Variants in ACSM3 observed in about 807,000 individuals in gnomAD.
The protein encoded by ACSM3 is acyl-coenzyme A synthetase ACSM3, mitochondrial.
A neutral mutation model predicts 74.1 loss-of-function variants in ACSM3; 61 were observed. The observed-to-expected ratio is 0.82, with a 90% confidence interval of 0.67 to 1.02. ACSM3 has a LOEUF of 1.02. Ranked by LOEUF, ACSM3 falls within the 50% of genes least tolerant of loss-of-function variation. ACSM3 has a pLI of 0.00. For synonymous variants in ACSM3, 213 were observed against 241.5 expected (o/e 0.88, Z 1.09); for missense variants, 660 against 697.0 (o/e 0.95, Z 0.60).
At chr16:20,729,433 A>G in intron 1 of ACSM3, 5 of 835,744 alleles carry the variant, frequency 6.0e-6, no homozygotes, top group Non-Finnish European at 1.0e-5. Flanking sequence ...GTGGTGGTCA[A>G]AGGCTTCTTT....
chr16:20,714,181 G>A (rs943214597), intron 1 of ACSM3, among the ~76,000 whole-genome samples: 1 of 150,796 alleles, frequency 6.6e-6, no homozygotes, highest in African/African-American at 2.4e-5. Flanking sequence ...TCCAGTTTCA[G>A]GAACAGCAAG....
Position 20,784,793 on chromosome 16 carries a change from C to T in ACSM3, c.1020-191C>T, listed in dbSNP as rs139734587. ...TTAGAATGATTTATCTTTTTAATAT[C>T]TTTATTTTTAATTTGTGTAGGTACT... On this transcript the variant is annotated intron_variant, in intron 7 of 13. Transcript: ENST00000289416. 1.3e-3 allele frequency among the ~76,000 whole-genome samples: 204 copies of T among 151,934 alleles called. 1 individual carries two copies. Among genetic ancestry groups the T allele is most frequent in the African/African-American group, 4.7e-3 (196 of 41,444 alleles).
chr16:20,786,096 T>G lies in ACSM3; in HGVS notation c.1162T>G (p.Phe388Val), dbSNP rs767483367. The change falls in exon 9 of 14, where the codon TTT becomes GTT. Residue 388 changes from phenylalanine (F) to valine (V), a missense_variant. Physicochemically the swap from Phe to Val is conservative, Grantham distance 50 (BLOSUM62 -1). Transcript: ENST00000289416. ...QTETVLICGN[F>V]KGMKIKPGSM... ...TAACTAGGTGCTAATCTGTGGAAAT[T>G]TTAAGGGAATGAAAATTAAACCTGG... 13 of 1,597,308 alleles carry G rather than the reference T, an allele frequency of 8.1e-6. No homozygotes were observed. The Admixed American group carries it at 2.3e-4, about 28-fold the overall frequency.
chr16:20,677,301 T>C (rs114826268), intron 1 of ACSM3, among the ~76,000 whole-genome samples: 3 of 151,938 alleles, frequency 2.0e-5, no homozygotes, highest in African/African-American at 7.2e-5. Context: ...CTTATCTTCT[T>C]GTATGCCCAT....
At chr16:20,795,593 T>C (rs1175438579) in intron 12 of ACSM3, among the ~76,000 whole-genome samples, 1 of 152,232 alleles carries the variant, frequency 6.6e-6, no homozygotes, top group Admixed American at 6.5e-5. Context: ...AAGTGCAGGA[T>C]ACTTAATCAT....
Position 20,790,533 on chromosome 16 carries a change from A to G in ACSM3, c.1225-54A>G, listed in dbSNP as rs1276460537. The G allele has an allele frequency of 6.7e-7, 1 of 1,502,766 alleles. No homozygotes were observed. Among genetic ancestry groups the G allele is most frequent in the African/African-American group, 1.4e-5 (1 of 71,824 alleles). 93.1% of individuals were successfully genotyped at this position (1,502,766 alleles called of 1,614,324 possible). ...ATAAAACTTGCAAAGTTAATATTTA[A>G]GCTGCGACATTAAACAAAAATTTCC... On this transcript the variant is annotated intron_variant, in intron 9 of 13. Transcript: ENST00000289416. This position sits in a 1 kb window ranked among gnomAD's most constrained non-coding sequence, Gnocchi z 4.0.
intron 1 of ACSM3, chr16:20,739,030 C>T (rs2079895062): frequency 6.2e-7 from 1 of 1,614,204 alleles, no homozygotes; most frequent in East Asian, 2.2e-5. Context: ...CATCATCATC[C>T]TCTCCCTCAC....
At chr16:20,676,017 AG>A (rs1338066542) in intron 1 of ACSM3, 1 of 152,252 alleles carries the variant, frequency 6.6e-6, no homozygotes, top group African/African-American at 2.4e-5. Flanking sequence ...CAAGAACCAC[AG>A]GAGGGAATAG....
At chr16:20,744,402 T>C (rs2079949393) in intron 1 of ACSM3, among the ~76,000 whole-genome samples, 1 of 152,218 alleles carries the variant, frequency 6.6e-6, no homozygotes, top group Non-Finnish European at 1.5e-5. Context: ...TTTTATGTTT[T>C]TTGAGACGGA....
At chr16:20,745,661 T>C (rs1478504550) in intron 1 of ACSM3, among the ~76,000 whole-genome samples, 2 of 152,190 alleles carry the variant, frequency 1.3e-5, no homozygotes, top group Non-Finnish European at 2.9e-5. Context: ...TAAGGTGATC[T>C]GAGGATGTTA....
intron 1 of ACSM3, chr16:20,737,880 T>C: frequency 6.2e-7 from 1 of 1,613,928 alleles, no homozygotes; most frequent in Non-Finnish European, 8.5e-7. Context: ...TGGGTAACAT[T>C]CGCAAAATAA....
intron 1 of ACSM3, among the ~76,000 whole-genome samples, chr16:20,688,356 A>C (rs2079591412): frequency 6.6e-6 from 1 of 152,124 alleles, no homozygotes; most frequent in African/African-American, 2.4e-5. Context: ...TTCTAGAAAA[A>C]GAAAGAGAAA....
At chr16:20,750,250 A>T (rs911743998) in intron 2 of ACSM3, among the ~76,000 whole-genome samples, 5 of 152,162 alleles carry the variant, frequency 3.3e-5, no homozygotes, top group Admixed American at 2.0e-4. Flanking sequence ...TATTATAACC[A>T]TATGCGTGTA....
chr16:20,678,179 A>G (rs1269263170), intron 1 of ACSM3, among the ~76,000 whole-genome samples: 4 of 152,170 alleles, frequency 2.6e-5, no homozygotes, highest in Admixed American at 2.6e-4. Flanking sequence ...CCAGAAAAAT[A>G]TCAACTACAT....
intron 2 of ACSM3, among the ~76,000 whole-genome samples, chr16:20,751,433 T>A (rs2079988374): frequency 6.6e-6 from 1 of 152,212 alleles, no homozygotes; most frequent in African/African-American, 2.4e-5. Context: ...TGAAAAAAAA[T>A]TCATAACTTC....
intron 3 of ACSM3, among the ~76,000 whole-genome samples, chr16:20,758,284 A>G (rs2080047983): frequency 6.6e-6 from 1 of 152,122 alleles, no homozygotes; most frequent in South Asian, 2.1e-4. Context: ...TTGGTTGGTA[A>G]GCTATTGATT....
intron 1 of ACSM3, chr16:20,735,027 G>A (rs1485655096): frequency 6.6e-6 from 1 of 152,204 alleles, no homozygotes; most frequent in East Asian, 1.9e-4. Flanking sequence ...TATTTTCAAG[G>A]CCAAGTGGCT....
chr16:20,735,120 ATTT>A (rs907367047), intron 1 of ACSM3: 1 of 152,030 alleles, frequency 6.6e-6, no homozygotes, highest in Non-Finnish European at 1.5e-5. Flanking sequence ...TTTAAGAAAA[ATTT>A]TTTTCCCCAG....
At chr16:20,746,375 A>C (rs952680093) in intron 1 of ACSM3, among the ~76,000 whole-genome samples, 5 of 152,148 alleles carry the variant, frequency 3.3e-5, no homozygotes, top group African/African-American at 1.2e-4. Context: ...TGGTTCTTTT[A>C]TATTTTTGGT....
Sources: gnomAD v4.1 joint callset for allele counts (sites outside exome capture counted in the v4.1 genomes callset) on GRCh38, gnomAD v4.1.1 for gene constraint, Gnocchi (gnomAD v3.1) non-coding constraint, MANE v1.5 for transcripts, NCBI Gene and HGNC (gene_info 2026-07-23, HGNC 2026-07-21) for gene names.